RASAL2: variants seen among roughly 807,000 people sequenced by gnomAD.
RASAL2 encodes RAS protein activator like 2.
RASAL2 carries 58 observed loss-of-function variants against 128.9 expected under a neutral mutation model. The observed-to-expected ratio is 0.45, with a 90% CI of 0.36 to 0.56. The LOEUF is 0.56. RASAL2 is among the 20% of genes least tolerant of loss of function. RASAL2 has a pLI of 0.00. For synonymous variants in RASAL2, 561 were observed against 580.8 expected, an observed-to-expected ratio of 0.97 and a Z score of 0.49; for missense variants, 1,360 against 1,601.6, an observed-to-expected ratio of 0.85 and a Z score of 2.57.
chr1:178,345,616 T>C (rs533069429), intron 3 of RASAL2, among the ~76,000 whole-genome samples: 1 of 152,314 alleles, frequency 6.6e-6, no homozygotes, highest in South Asian at 2.1e-4. Context: ...AAGTGGGTTG[T>C]GTGTGCCTCT....
chr1:178,321,161 G>T (rs1265479299), intron 3 of RASAL2, among the ~76,000 whole-genome samples: 1 of 152,056 alleles, frequency 6.6e-6, no homozygotes, highest in Non-Finnish European at 1.5e-5. Context: ...TTGGCTCACT[G>T]CAACCTCCAC....
chr1:178,331,353 T>TAGG (rs1429901468), intron 3 of RASAL2, among the ~76,000 whole-genome samples: 1 of 152,164 alleles, frequency 6.6e-6, no homozygotes, highest in Non-Finnish European at 1.5e-5. Flanking sequence ...CAGCGTTCTA[T>TAGG]ACTCCCGTGT....
chr1:178,433,218 C>G (rs974906283), intron 5 of RASAL2, among the ~76,000 whole-genome samples: 9 of 152,082 alleles, frequency 5.9e-5, no homozygotes, highest in Non-Finnish European at 8.8e-5. Context: ...TTCTGTAGAT[C>G]TCCACACCTG....
At chr1:178,394,100 C>G (rs1196337392) in intron 4 of RASAL2, among the ~76,000 whole-genome samples, 1 of 152,074 alleles carries the variant, frequency 6.6e-6, no homozygotes, top group Non-Finnish European at 1.5e-5. Context: ...ATGTTGGTAA[C>G]TGAAACTAGA....
intron 3 of RASAL2, among the ~76,000 whole-genome samples, chr1:178,353,980 A>AT (rs397758839): frequency 2.0e-5 from 3 of 151,700 alleles, no homozygotes; most frequent in African/African-American, 7.3e-5. Flanking sequence ...CAAAAAAAAA[A>AT]GAAGAAGGAA....
intron 3 of RASAL2, among the ~76,000 whole-genome samples, chr1:178,302,555 C>T (rs956102092): frequency 7.2e-5 from 11 of 152,106 alleles, no homozygotes; most frequent in Admixed American, 6.6e-4. Context: ...AGACTTAATA[C>T]AATGTCAGTT....
intron 1 of RASAL2, among the ~76,000 whole-genome samples, chr1:178,209,407 C>T (rs925360840): frequency 6.6e-6 from 1 of 152,134 alleles, no homozygotes; most frequent in South Asian, 2.1e-4. Context: ...TTTCTGAATC[C>T]TTGCCTGTCA....
At chr1:178,099,461 A>G (rs553877817) in intron 1 of RASAL2, among the ~76,000 whole-genome samples, 1 of 152,144 alleles carries the variant, frequency 6.6e-6, no homozygotes, top group Admixed American at 6.5e-5. Flanking sequence ...GAAAATTTGT[A>G]TGTCTTATTT....
chr1:178,267,079 C>G (rs918664935), intron 1 of RASAL2, among the ~76,000 whole-genome samples: 18 of 152,110 alleles, frequency 1.2e-4, no homozygotes, highest in Admixed American at 2.0e-4. Context: ...CCAAGGACCC[C>G]TTTTCCTCTC....
chr1:178,185,747 G>T (rs1196766424), intron 1 of RASAL2, among the ~76,000 whole-genome samples: 1 of 151,984 alleles, frequency 6.6e-6, no homozygotes, highest in Non-Finnish European at 1.5e-5. Context: ...ACTTGGTTAT[G>T]TTATATAATT....
intron 1 of RASAL2, among the ~76,000 whole-genome samples, chr1:178,162,160 T>C (rs1661327107): frequency 6.7e-6 from 1 of 148,250 alleles, no homozygotes; most frequent in Non-Finnish European, 1.5e-5. Flanking sequence ...AGAGACGGGG[T>C]TTCACCGTGT....
intron 4 of RASAL2, among the ~76,000 whole-genome samples, chr1:178,398,155 TATTTGC>T (rs1206932212): frequency 1.3e-5 from 2 of 152,160 alleles, no homozygotes; most frequent in Non-Finnish European, 2.9e-5. Context: ...ATACTTTGCA[TATTTGC>T]ATTTTTATAC....
chr1:178,283,598 T>C lies in RASAL2; in HGVS notation c.237T>C (p.Cys79=). Residue 79 remains cysteine (C), a synonymous_variant, in exon 2 of 18, where the codon TGT becomes TGC. Coordinates refer to ENST00000367649, the MANE Select transcript of RASAL2 (RefSeq NM_170692.4). Reference sequence around the variant, plus strand: ...GACCACCCACCCACCGTCTGTCTTGTGGTCAGTCACCCTACACCGAGACAA... The same window carrying C: ...GACCACCCACCCACCGTCTGTCTTGCGGTCAGTCACCCTACACCGAGACAA... ...VKGPPTHRLS[C]GQSPYTETTT... is the part of the protein sequence containing the mutation. 1.9e-6 allele frequency: 3 copies of C among 1,613,936 alleles called. No homozygotes were observed. Among genetic ancestry groups the C allele is most frequent in the Non-Finnish European group, 1.7e-6 (2 of 1,179,936 alleles).
In RASAL2 at chr1:178,277,217, G is replaced by C. The variant is rs528899971; in HGVS notation, c.203-6347G>C. 1.6e-4 allele frequency among the ~76,000 whole-genome samples: 24 copies of C among 149,674 alleles called. No homozygotes were observed. The South Asian group carries it at 4.4e-3, about 28-fold the overall frequency. ...TATTAATATGATATTAAACATGAATGCCTGTTAAAACTGTTGTGAACATGT... is the reference window on the plus strand; with the variant it reads ...TATTAATATGATATTAAACATGAATCCCTGTTAAAACTGTTGTGAACATGT... On this transcript the variant is annotated intron_variant, in intron 1 of 17. Coordinates refer to ENST00000367649, the MANE Select transcript of RASAL2 (RefSeq NM_170692.4).
At chr1:178,398,773 A>T (rs1279663469) in intron 4 of RASAL2, among the ~76,000 whole-genome samples, 1 of 152,204 alleles carries the variant, frequency 6.6e-6, no homozygotes, top group Non-Finnish European at 1.5e-5. Flanking sequence ...CCTAAGAGTC[A>T]TAATATACTC....
At chr1:178,450,362 TA>T (rs1302194072) in intron 9 of RASAL2, among the ~76,000 whole-genome samples, 1 of 152,122 alleles carries the variant, frequency 6.6e-6, no homozygotes, top group Non-Finnish European at 1.5e-5. Context: ...CACAGTCAGT[TA>T]AATGATGGAT....
At chr1:178,426,101 TA>T (rs1019864168) in intron 5 of RASAL2, among the ~76,000 whole-genome samples, 6 of 152,278 alleles carry the variant, frequency 3.9e-5, no homozygotes, top group African/African-American at 1.4e-4. Flanking sequence ...TTTATATCTG[TA>T]GGTTTTTTTG....
chr1:178,329,175 C>T (rs753186241), intron 3 of RASAL2, among the ~76,000 whole-genome samples: 10 of 152,002 alleles, frequency 6.6e-5, no homozygotes, highest in Admixed American at 1.3e-4. Context: ...TACAATATAC[C>T]GCATGGTGAT....
intron 3 of RASAL2, among the ~76,000 whole-genome samples, chr1:178,314,227 T>C (rs765328390): frequency 6.6e-5 from 10 of 152,220 alleles, no homozygotes; most frequent in Non-Finnish European, 1.5e-4. Context: ...GGAGTTTTTA[T>C]ACCTAGGTTA....
Sources: allele counts gnomAD v4.1 joint callset (sites outside exome capture counted in the v4.1 genomes callset), GRCh38; gene constraint gnomAD v4.1.1; transcripts MANE v1.5; gene names NCBI Gene and HGNC (gene_info 2026-07-23, HGNC 2026-07-21).